The following SGCZ variants were observed in gnomAD, a reference collection of about 807,000 sequenced individuals.
SGCZ encodes the protein sarcoglycan zeta, also known as zeta-sarcoglycan.
SGCZ carries 40 observed loss-of-function variants against 41.3 expected under a neutral mutation model. The ratio of observed to expected loss-of-function variants is 0.97; its 90% CI spans 0.75 to 1.26. SGCZ has a LOEUF of 1.26. Among genes scored for constraint, SGCZ ranks in the 50% most tolerant of loss-of-function variants. The probability of loss-of-function intolerance (pLI) is 0.00; values close to 1 mark genes in which losing one functional copy is unlikely to be tolerated. For missense variants in SGCZ, 552 were observed against 369.8 expected (o/e 1.49, Z -4.04); for synonymous variants, 206 against 137.5 (o/e 1.50, Z -3.49).
chr8:15,049,046 CAATT>C (rs1445681115), intron 1 of SGCZ, among the ~76,000 whole-genome samples: 1 of 152,080 alleles, frequency 6.6e-6, no homozygotes, highest in African/African-American at 2.4e-5. Context: ...ATCATTTACT[CAATT>C]AAGAGATACC....
chr8:15,098,485 T>C (rs1806473188), intron 1 of SGCZ, among the ~76,000 whole-genome samples: 1 of 152,174 alleles, frequency 6.6e-6, no homozygotes. Flanking sequence ...GTCTCCTAAC[T>C]CTTTTGCTCC....
At chr8:14,576,659 T>C (rs1804720787) in intron 1 of SGCZ, among the ~76,000 whole-genome samples, 1 of 152,218 alleles carries the variant, frequency 6.6e-6, no homozygotes, top group South Asian at 2.1e-4. Flanking sequence ...TTCATGCACT[T>C]GCTCTTTAGA....
chr8:14,781,453 C>T (rs1034469955), intron 1 of SGCZ, among the ~76,000 whole-genome samples: 5 of 151,872 alleles, frequency 3.3e-5, no homozygotes, highest in Non-Finnish European at 5.9e-5. Context: ...GGTCTCAAAC[C>T]CCTGGACTCA....
chr8:14,840,166 A>C (rs574598449), intron 1 of SGCZ, among the ~76,000 whole-genome samples: 1 of 152,282 alleles, frequency 6.6e-6, no homozygotes, highest in African/African-American at 2.4e-5. Context: ...TTATCTGCTT[A>C]AAAGTCAAGG....
intron 2 of SGCZ, among the ~76,000 whole-genome samples, chr8:14,458,800 A>T (rs1433631447): frequency 1.3e-5 from 2 of 152,184 alleles, no homozygotes; most frequent in African/African-American, 4.8e-5. Context: ...GAGGACACCA[A>T]ACACAGAGCT....
At chr8:14,302,142 T>C (rs1413161785) in intron 3 of SGCZ, among the ~76,000 whole-genome samples, 4 of 149,490 alleles carry the variant, frequency 2.7e-5, no homozygotes, top group Admixed American at 6.9e-5. Flanking sequence ...GAACCTATTA[T>C]GTTATATTAA....
At chr8:14,350,544 T>C (rs1043376754) in intron 2 of SGCZ, among the ~76,000 whole-genome samples, 14 of 152,086 alleles carry the variant, frequency 9.2e-5, no homozygotes, top group African/African-American at 2.7e-4. Context: ...ATACCCCATC[T>C]ATTTGGAGAG....
intron 1 of SGCZ, among the ~76,000 whole-genome samples, chr8:14,917,219 T>A (rs57512518): frequency 0.13 from 19,325 of 152,090 alleles, 2,589 homozygotes; most frequent in African/African-American, 0.34. Flanking sequence ...AATCTGATTC[T>A]TATAATTAAT....
chr8:15,067,494 T>C (rs1840359), intron 1 of SGCZ, among the ~76,000 whole-genome samples: 137,329 of 152,206 alleles, frequency 0.9, 62,135 homozygotes, highest in Admixed American at 0.93. Context: ...GTATTAGGAC[T>C]GGGTGTCCCA....
chr8:14,945,860 A>G (rs1800425246), intron 1 of SGCZ, among the ~76,000 whole-genome samples: 1 of 150,722 alleles, frequency 6.6e-6, no homozygotes, highest in Non-Finnish European at 1.5e-5. Flanking sequence ...CTTCAAATTC[A>G]GAGTTACATC....
At chr8:14,337,375 A>AAGAGGAGGG (rs1480794035) in intron 2 of SGCZ, among the ~76,000 whole-genome samples, 1 of 152,112 alleles carries the variant, frequency 6.6e-6, no homozygotes, top group Non-Finnish European at 1.5e-5. Flanking sequence ...AGGTATCAGC[A>AAGAGGAGGG]AGACGAGGGA....
At chr8:15,005,573 C>T (rs1563429765) in intron 1 of SGCZ, among the ~76,000 whole-genome samples, 1 of 151,778 alleles carries the variant, frequency 6.6e-6, no homozygotes. Context: ...TCAGGTTGTT[C>T]CGCCCACCTT....
chr8:15,017,062 G>C (rs1025196224), intron 1 of SGCZ, among the ~76,000 whole-genome samples: 21 of 152,162 alleles, frequency 1.4e-4, no homozygotes, highest in African/African-American at 4.3e-4. Flanking sequence ...TTCAGCATGA[G>C]ACTTGGAGGG....
intron 1 of SGCZ, among the ~76,000 whole-genome samples, chr8:14,652,357 T>TGGA (rs1807432812): frequency 1.0e-4 from 6 of 59,698 alleles, no homozygotes; most frequent in East Asian, 4.9e-4. Context: ...GGGGGGGGTG[T>TGGA]GGGGGGGAGA....
chr8:14,802,556 C>A (rs1585273248), intron 1 of SGCZ, among the ~76,000 whole-genome samples: 1 of 152,060 alleles, frequency 6.6e-6, no homozygotes, highest in South Asian at 2.1e-4. Context: ...TTTGCTGCCG[C>A]CTTTTTTATG....
intron 2 of SGCZ, among the ~76,000 whole-genome samples, chr8:14,481,129 T>A (rs1298535044): frequency 6.6e-6 from 1 of 152,056 alleles, no homozygotes; most frequent in Non-Finnish European, 1.5e-5. Context: ...ATAACCCAAT[T>A]AAATAATGCA....
chr8:14,795,635 G>T (rs893066302), intron 1 of SGCZ, among the ~76,000 whole-genome samples: 1 of 152,008 alleles, frequency 6.6e-6, no homozygotes, highest in Non-Finnish European at 1.5e-5. Context: ...ATATTAAAAT[G>T]CAAAACAAAC....
In SGCZ at chr8:14,761,157, G is replaced by A. The variant is rs150860837; in HGVS notation, c.40-206231C>T. Reference sequence around the variant, plus strand: ...CTGTCACAGTGCTTTCACGGTCTTCGCTAATTCAAATATATAATTGCATTA... The same window carrying A: ...CTGTCACAGTGCTTTCACGGTCTTCACTAATTCAAATATATAATTGCATTA... On this transcript the variant is annotated intron_variant, in intron 1 of 7. Coordinates refer to ENST00000382080, the MANE Select transcript of SGCZ (RefSeq NM_139167.4). Among the ~76,000 whole-genome samples, 951 of 152,124 alleles carry A rather than the reference G, an allele frequency of 6.3e-3. 9 individuals are homozygous for A. Among genetic ancestry groups the A allele is most frequent in the Middle Eastern group, 0.02 (6 of 294 alleles).
At position 15,237,913 on chromosome 8, in the gene SGCZ, GA is replaced by G. The variant is rs147698558; in HGVS notation, c.-291del. The G allele has an allele frequency of 2.5e-4, 60 of 236,230 alleles. 1 individual carries two copies. The highest frequency in any genetic ancestry group is 3.0e-3 in the Middle Eastern group (2 of 664). 14.6% of individuals were successfully genotyped at this position (236,230 alleles called of 1,614,324 possible). A position where few individuals can be genotyped will look rare whatever the true frequency, so the allele number is the denominator to read the frequency against. ...TGAAACAGGGGCCAAAAGAAAAAAG[GA>G]AAAAAAAATCCACTCTATTTAAGAT... On this transcript the variant is annotated 5_prime_UTR_variant, in exon 1 of 8. Coordinates refer to ENST00000382080, the MANE Select transcript of SGCZ (RefSeq NM_139167.4).
Sources: allele counts gnomAD v4.1 joint callset (sites outside exome capture counted in the v4.1 genomes callset), GRCh38; gene constraint gnomAD v4.1.1; transcripts MANE v1.5; gene names NCBI Gene and HGNC (gene_info 2026-07-23, HGNC 2026-07-21).